Variants in LHFPL3 observed in about 807,000 individuals in gnomAD.
LHFPL3 encodes LHFPL tetraspan subfamily member 3 protein.
A neutral mutation model predicts 19.3 loss-of-function variants in LHFPL3; 5 were observed. The ratio of observed to expected loss-of-function variants is 0.26; its 90% CI spans 0.14 to 0.54. LHFPL3 has a LOEUF of 0.54. Ranked by LOEUF, LHFPL3 falls within the 20% of genes least tolerant of loss-of-function variation. The probability of loss-of-function intolerance (pLI) is 0.94; values close to 1 mark genes in which losing one functional copy is unlikely to be tolerated. For synonymous variants in LHFPL3, 133 were observed against 126.2 expected (o/e 1.05, Z -0.36); for missense variants, 249 against 307.4 (o/e 0.81, Z 1.42).
At chr7:104,435,558 A>C (rs1045854253) in intron 1 of LHFPL3, among the ~76,000 whole-genome samples, 8 of 142,168 alleles carry the variant, frequency 5.6e-5, no homozygotes, top group Admixed American at 1.5e-4. Flanking sequence ...TTTTCTTTCT[A>C]GATTTTTTTT....
At chr7:104,547,775 T>C (rs898247337) in intron 1 of LHFPL3, among the ~76,000 whole-genome samples, 2 of 152,076 alleles carry the variant, frequency 1.3e-5, no homozygotes, top group African/African-American at 4.8e-5. Context: ...ATGTATGCTC[T>C]TCCAAGTTTT....
At chr7:104,570,491 G>C (rs1019735446) in intron 1 of LHFPL3, among the ~76,000 whole-genome samples, 11 of 152,172 alleles carry the variant, frequency 7.2e-5, no homozygotes, top group Non-Finnish European at 1.6e-4. Context: ...GGCATGATTT[G>C]TACATGTCTA....
chr7:104,730,140 A>G (rs1455063143), intron 1 of LHFPL3, among the ~76,000 whole-genome samples: 1 of 152,098 alleles, frequency 6.6e-6, no homozygotes, highest in Admixed American at 6.6e-5. Context: ...AATCTAGTCT[A>G]TCATTGTTGC....
At chr7:104,829,471 C>T (rs984753264) in intron 2 of LHFPL3, among the ~76,000 whole-genome samples, 6 of 151,724 alleles carry the variant, frequency 4.0e-5, no homozygotes, top group African/African-American at 1.5e-4. Context: ...CTAATGCTAT[C>T]CCTCCCCCAT....
intron 1 of LHFPL3, among the ~76,000 whole-genome samples, chr7:104,722,222 C>T (rs1793502803): frequency 1.3e-5 from 2 of 152,056 alleles, no homozygotes; most frequent in Non-Finnish European, 2.9e-5. Flanking sequence ...TGCTTACAGC[C>T]GAGGTCCAAG....
chr7:104,670,417 T>C (rs541454382), intron 1 of LHFPL3, among the ~76,000 whole-genome samples: 120 of 152,326 alleles, frequency 7.9e-4, no homozygotes, highest in Non-Finnish European at 1.3e-3. Context: ...CACTGTCCTT[T>C]TTGAAAGTTT....
At chr7:104,642,596 A>AT (rs529764305) in intron 1 of LHFPL3, among the ~76,000 whole-genome samples, 122 of 152,038 alleles carry the variant, frequency 8.0e-4, no homozygotes, top group Non-Finnish European at 1.5e-3. Flanking sequence ...TCACTTGGGA[A>AT]TTTTTTCTCT....
At chr7:104,602,571 G>T (rs1790991001) in intron 1 of LHFPL3, among the ~76,000 whole-genome samples, 1 of 152,286 alleles carries the variant, frequency 6.6e-6, no homozygotes, top group African/African-American at 2.4e-5. Flanking sequence ...TACAGAGGAA[G>T]GCTAAGTGGT....
intron 1 of LHFPL3, among the ~76,000 whole-genome samples, chr7:104,473,242 G>C (rs1490199325): frequency 3.9e-5 from 6 of 152,122 alleles, no homozygotes; most frequent in Admixed American, 6.5e-5. Flanking sequence ...CTGTTAAAAT[G>C]GTTTCCTCTT....
chr7:104,561,087 G>C (rs1203091541), intron 1 of LHFPL3, among the ~76,000 whole-genome samples: 1 of 152,118 alleles, frequency 6.6e-6, no homozygotes, highest in Non-Finnish European at 1.5e-5. Flanking sequence ...TTCCTGAGGA[G>C]AGCTTTACTT....
At chr7:104,500,296 A>C (rs1414307680) in intron 1 of LHFPL3, among the ~76,000 whole-genome samples, 1 of 152,200 alleles carries the variant, frequency 6.6e-6, no homozygotes, top group Non-Finnish European at 1.5e-5. Flanking sequence ...CTTCTAATCA[A>C]CTGGAGATCA....
At chr7:104,663,378 C>T (rs1054977260) in intron 1 of LHFPL3, among the ~76,000 whole-genome samples, 1 of 152,184 alleles carries the variant, frequency 6.6e-6, no homozygotes, top group East Asian at 1.9e-4. Flanking sequence ...GCATTCCAAC[C>T]CAGGAAGAAT....
intron 1 of LHFPL3, among the ~76,000 whole-genome samples, chr7:104,388,620 T>G (rs56293552): frequency 0.072 from 11,020 of 152,166 alleles, 445 homozygotes; most frequent in East Asian, 0.17. Flanking sequence ...TTTTTAAATA[T>G]AGACACAAAA....
chr7:104,840,701 C>T (rs1584569226), intron 2 of LHFPL3, among the ~76,000 whole-genome samples: 3 of 151,994 alleles, frequency 2.0e-5, no homozygotes, highest in African/African-American at 7.2e-5. Flanking sequence ...GAAGGAAAAT[C>T]AGTCAATACT....
intron 2 of LHFPL3, among the ~76,000 whole-genome samples, chr7:104,865,862 A>C (rs375353380): frequency 1.3e-5 from 2 of 152,342 alleles, no homozygotes; most frequent in Non-Finnish European, 2.9e-5. Context: ...GCCCATCAGA[A>C]TAACAGCAGA....
chr7:104,650,000 TAAG>T (rs1400620481), intron 1 of LHFPL3, among the ~76,000 whole-genome samples: 1 of 152,164 alleles, frequency 6.6e-6, no homozygotes, highest in Non-Finnish European at 1.5e-5. Flanking sequence ...CATTGCAGAT[TAAG>T]AAGCACTTCC....
chr7:104,588,999 A>G (rs765169750), intron 1 of LHFPL3, among the ~76,000 whole-genome samples: 13 of 152,202 alleles, frequency 8.5e-5, no homozygotes, highest in Non-Finnish European at 1.6e-4. Context: ...TATCAGCTTA[A>G]GAAGATTTTG....
At chr7:104,740,218 T>G (rs1793907803) in intron 2 of LHFPL3, among the ~76,000 whole-genome samples, 1 of 152,314 alleles carries the variant, frequency 6.6e-6, no homozygotes, top group African/African-American at 2.4e-5. Context: ...CAATTAAACC[T>G]CTTTCCTTTA....
intron 2 of LHFPL3, chr7:104,796,503 G>A (rs1790130928): frequency 2.0e-5 from 3 of 152,190 alleles, no homozygotes; most frequent in Admixed American, 2.0e-4. Context: ...GTGATAGTGG[G>A]AGTTTGAAGT....
Sources: gnomAD v4.1 joint callset for allele counts (sites outside exome capture counted in the v4.1 genomes callset) on GRCh38, gnomAD v4.1.1 for gene constraint, MANE v1.5 for transcripts, NCBI Gene and HGNC (gene_info 2026-07-23, HGNC 2026-07-21) for gene names.